The following PTK7 variants were observed in gnomAD, a reference collection of about 807,000 sequenced individuals.
PTK7 encodes the protein inactive tyrosine-protein kinase 7.
In PTK7, 39 loss-of-function variants were observed where a neutral mutation model predicts 116.6. The ratio of observed to expected loss-of-function variants is 0.33; its 90% CI spans 0.26 to 0.44. The LOEUF is 0.44. Among genes scored for constraint, PTK7 ranks in the 20% least tolerant of loss-of-function variants. The probability of loss-of-function intolerance (pLI) is 1.00; values close to 1 mark genes in which losing one functional copy is unlikely to be tolerated. For missense variants in PTK7, 1,169 were observed against 1,425.6 expected, an observed-to-expected ratio of 0.82 and a Z score of 2.90; for synonymous variants, 546 against 563.6, an observed-to-expected ratio of 0.97 and a Z score of 0.44.
At chr6:43,095,385 A>C (rs1240441468) in intron 1 of PTK7, among the ~76,000 whole-genome samples, 3 of 152,120 alleles carry the variant, frequency 2.0e-5, no homozygotes, top group Non-Finnish European at 4.4e-5. Context: ...ACAAACAAAC[A>C]AACCAAAACA....
At chr6:43,110,430 G>A (rs1260977453) in intron 1 of PTK7, among the ~76,000 whole-genome samples, 1 of 150,044 alleles carries the variant, frequency 6.7e-6, no homozygotes, top group Non-Finnish European at 1.5e-5. Context: ...TTTTGTTTTT[G>A]AGATGGAATT....
intron 1 of PTK7, among the ~76,000 whole-genome samples, chr6:43,125,103 C>T (rs1339404276): frequency 2.6e-5 from 4 of 151,970 alleles, no homozygotes; most frequent in African/African-American, 4.8e-5. Flanking sequence ...TCCCGGGAAG[C>T]GGAGGTTGCC....
intron 3 of PTK7, 24 bp from the exon 4 acceptor site, chr6:43,130,206 C>G (rs771514945): frequency 1.3e-6 from 2 of 1,547,514 alleles, no homozygotes; most frequent in South Asian, 1.2e-5. Flanking sequence ...CTCCCCACCA[C>G]TGCTGACTGT....
At chr6:43,157,364 A>ATATATATTTTTTTT (rs70990168) in intron 17 of PTK7, among the ~76,000 whole-genome samples, 3 of 54,366 alleles carry the variant, frequency 5.5e-5, no homozygotes, top group Admixed American at 2.4e-4. Context: ...ATATATATAT[A>ATATATATTTTTTTT]TTTTTTTTTT....
In PTK7 at chr6:43,132,471, G is replaced by C. The variant is rs752872432; in HGVS notation, c.1012G>C (p.Glu338Gln). Residue 338 changes from glutamate (E) to glutamine (Q), a missense_variant, in exon 7 of 20, where the codon GAG (glutamate) becomes CAG (glutamine). Around this residue, in one of 3 missense-constraint regions of PTK7, gnomAD observed 487 missense variants for 549.8 expected, o/e 0.89. Coordinates refer to ENST00000230419, the MANE Select transcript of PTK7 (RefSeq NM_002821.5). ...GCCACGGGTGTTTACAGCTGGCAGC[G>C]AGGAGCGTGTGACCTGCCTTCCCCC... The part of the protein sequence containing the change: ...FEPRVFTAGS[E>Q]ERVTCLPPKG... The C allele has an allele frequency of 5.0e-6, 8 of 1,597,914 alleles. No homozygotes were observed. The South Asian group carries it at 6.6e-5, about 13-fold the overall frequency.
Position 43,130,523 on chromosome 6 carries a change from C to T in PTK7, c.674C>T (p.Ala225Val), listed in dbSNP as rs1244953182. The change falls in exon 5 of 20, where the codon GCC (alanine) becomes GTC (valine). Residue 225 changes from alanine to valine, a missense_variant. Ala to Val is a moderately conservative substitution (Grantham distance 64). Coordinates refer to ENST00000230419, the MANE Select transcript of PTK7 (RefSeq NM_002821.5). ...FTLSIADESF[A>V]RVVLAPQDVV... ...TTTCCCTCTCCAGATGAAAGCTTTGCCAGGGTGGTGCTGGCACCCCAGGAC... is the reference window on the plus strand; with the variant it reads ...TTTCCCTCTCCAGATGAAAGCTTTGTCAGGGTGGTGCTGGCACCCCAGGAC... 6 of 1,613,722 alleles carry T rather than the reference C, an allele frequency of 3.7e-6. No homozygotes were observed. The South Asian group carries it at 5.5e-5, about 15-fold the overall frequency.
At chr6:43,085,437 C>T (rs566271727) in intron 1 of PTK7, among the ~76,000 whole-genome samples, 5 of 151,918 alleles carry the variant, frequency 3.3e-5, no homozygotes, top group East Asian at 2.0e-4. Flanking sequence ...TCAGTAGAGA[C>T]GGAGTTTCAC....
At chr6:43,131,029 T>TCACACACACACACACACACA (rs3222659) in intron 5 of PTK7, among the ~76,000 whole-genome samples, 1 of 133,756 alleles carries the variant, frequency 7.5e-6, no homozygotes, top group African/African-American at 2.8e-5. Context: ...GGCAAAGACA[T>TCACACACACACACACACACA]CACACACACA....
rs1770370925 is a variant in PTK7, at chr6:43,141,044, T to C, written c.1619-624T>C. On this transcript the variant is annotated intron_variant, in intron 10 of 19. Transcript: ENST00000230419. The surrounding 1 kb of genome is among the most constrained non-coding windows in gnomAD (Gnocchi z 4.9). ...GTTAACCAGCCACCCACCCACCCCC[T>C]TTTTTTTCATTGCTGCAATAAACAT... Among the ~76,000 whole-genome samples the C allele has an allele frequency of 1.3e-5, 2 of 149,070 alleles. No individual in the cohort carries two copies. Among genetic ancestry groups the C allele is most frequent in the African/African-American group, 4.9e-5 (2 of 40,810 alleles).
rs373711860 is a variant in PTK7 at position 43,129,681 on chromosome 6, C to G, written c.368-46C>G. 61 of 1,555,702 alleles carry G rather than the reference C, an allele frequency of 3.9e-5. No homozygotes were observed. The highest frequency in any genetic ancestry group is 5.4e-5 in the Non-Finnish European group (61 of 1,127,698). On this transcript the variant is annotated intron_variant, in intron 2 of 19. Transcript: ENST00000230419. The surrounding 1 kb of genome is among the most constrained non-coding windows in gnomAD (Gnocchi z 4.5). ...TCCTCCTTGCCCTCTGCCTTCCCGCCTTTGCCCTGCTCTGCCCCTCACTGC... is the reference window on the plus strand; with the variant it reads ...TCCTCCTTGCCCTCTGCCTTCCCGCGTTTGCCCTGCTCTGCCCCTCACTGC...
intron 1 of PTK7, among the ~76,000 whole-genome samples, chr6:43,110,260 G>T (rs2150401606): frequency 6.6e-6 from 1 of 152,156 alleles, no homozygotes; most frequent in East Asian, 1.9e-4. Flanking sequence ...AAAGTGCTGG[G>T]ATTACAGGTG....
intron 1 of PTK7, among the ~76,000 whole-genome samples, chr6:43,116,455 T>C (rs1432696385): frequency 6.6e-6 from 1 of 152,210 alleles, no homozygotes; most frequent in Non-Finnish European, 1.5e-5. Context: ...CCCACTCTTG[T>C]CTGCTCCGGG....
In PTK7 at chr6:43,145,440, G is replaced by C. The variant is rs1307384668; in HGVS notation, c.2640+8G>C. 1.9e-6 allele frequency: 3 copies of C among 1,543,248 alleles called. No homozygotes were observed. Among genetic ancestry groups the C allele is most frequent in the Non-Finnish European group, 2.6e-6 (3 of 1,137,286 alleles). ...CTGGAATATGTGGATCTGGTATGCT[G>C]TTGGCAGGGGACGTGGGGGTCTCGG... On this transcript the variant is annotated splice_region_variant and intron_variant, in intron 16 of 19. Coordinates refer to ENST00000230419, the MANE Select transcript of PTK7 (RefSeq NM_002821.5). This position sits in a 1 kb window ranked among gnomAD's most constrained non-coding sequence, Gnocchi z 4.8.
Position 43,103,506 on chromosome 6 carries a change from TG to T in PTK7, c.80-25470del, listed in dbSNP as rs778491630. On this transcript the variant is annotated intron_variant, in intron 1 of 19. Transcript: ENST00000230419. ...CCACCTATAAAAAATGTGTGCTCCC[TG>T]CAGGTGGAGCAGACCCCCCACTCCC... Among the ~76,000 whole-genome samples the T allele has an allele frequency of 3.3e-4, 50 of 152,076 alleles. 1 individual carries two copies. Among genetic ancestry groups the T allele is most frequent in the Non-Finnish European group, 1.3e-4 (9 of 67,994 alleles).
At chr6:43,155,717 C>T (rs1199009274) in intron 17 of PTK7, among the ~76,000 whole-genome samples, 1 of 151,918 alleles carries the variant, frequency 6.6e-6, no homozygotes, top group East Asian at 1.9e-4. Context: ...TTCACATTGG[C>T]TCAAAATTCT....
intron 1 of PTK7, among the ~76,000 whole-genome samples, chr6:43,111,484 A>G (rs1691286217): frequency 6.6e-6 from 1 of 152,198 alleles, no homozygotes; most frequent in Admixed American, 6.5e-5. Flanking sequence ...GTTGTGATGG[A>G]GTGCAGGTTC....
At chr6:43,106,678 G>T (rs1767905933) in intron 1 of PTK7, among the ~76,000 whole-genome samples, 1 of 120,090 alleles carries the variant, frequency 8.3e-6, no homozygotes. Context: ...TTTTGAGACA[G>T]AGTCTTGCTC....
At position 43,106,926 on chromosome 6, in the gene PTK7, A is replaced by G. The variant is rs992280745; in HGVS notation, c.80-22051A>G. Among the ~76,000 whole-genome samples, 3 of 114,998 alleles carry G rather than the reference A, an allele frequency of 2.6e-5. No individual in the cohort carries two copies. The Admixed American group carries it at 2.7e-4, about 10-fold the overall frequency. The allele number at this position is 114,998 out of a possible 152,430, so 75.4% of individuals were successfully genotyped here. A position where few individuals can be genotyped will look rare whatever the true frequency, so the allele number is the denominator to read the frequency against. ...CCACCATGCCCAGCCTCTTCCCTGA[A>G]TTTTTTTTTTTTTTGAGACAGAGTC... On this transcript the variant is annotated intron_variant, in intron 1 of 19. Coordinates refer to ENST00000230419, the MANE Select transcript of PTK7 (RefSeq NM_002821.5).
chr6:43,144,778 C>A, intron 15 of PTK7, 172 bp downstream of exon 15: 1 of 692,046 alleles, frequency 1.4e-6, no homozygotes, highest in South Asian at 3.0e-5. Flanking sequence ...TATTCACTGC[C>A]CTTCGTGCAG....
Sources: allele counts gnomAD v4.1 joint callset (sites outside exome capture counted in the v4.1 genomes callset), GRCh38; gene constraint gnomAD v4.1.1; regional missense constraint gnomAD v4.1.1; non-coding constraint Gnocchi (gnomAD v3.1); transcripts MANE v1.5; gene names NCBI Gene and HGNC (gene_info 2026-07-23, HGNC 2026-07-21).